The following VPS13A variants were observed in gnomAD, a reference collection of about 807,000 sequenced individuals.
VPS13A encodes vacuolar protein sorting 13 homolog A.
A neutral mutation model predicts 390.9 loss-of-function variants in VPS13A; 264 were observed. That is an observed-to-expected ratio of 0.68 (90% CI 0.61 to 0.75). VPS13A has a LOEUF of 0.75. Ranked by LOEUF, VPS13A falls within the 30% of genes least tolerant of loss-of-function variation. VPS13A has a pLI of 0.00. For synonymous variants in VPS13A, 1,231 were observed against 1,227.1 expected (o/e 1.00, Z -0.07); for missense variants, 3,409 against 3,733.9 (o/e 0.91, Z 2.27).
In VPS13A at chr9:77,400,986, A is replaced by G. The variant is rs1834364699; in HGVS notation, c.9190-2250A>G. Among the ~76,000 whole-genome samples, 3 of 152,156 alleles carry G rather than the reference A, an allele frequency of 2.0e-5. No individual in the cohort carries two copies. The South Asian group carries it at 6.2e-4, about 32-fold the overall frequency. On this transcript the variant is annotated intron_variant, in intron 68 of 71. Coordinates refer to ENST00000360280, the MANE Select transcript of VPS13A (RefSeq NM_033305.3). ...TACTTAAAACGCCATTTATTTGATA[A>G]TACATGTGTTTACCCACTAATTTGA...
At chr9:77,394,149 C>T (rs888950364) in intron 68 of VPS13A, among the ~76,000 whole-genome samples, 8 of 152,030 alleles carry the variant, frequency 5.3e-5, no homozygotes, top group African/African-American at 1.4e-4. Context: ...ATTGCAGCCT[C>T]GAACTCCCAG....
chr9:77,319,195 C>CAAAAAAA (rs5898533), intron 41 of VPS13A, among the ~76,000 whole-genome samples: 2 of 123,474 alleles, frequency 1.6e-5, no homozygotes, highest in Non-Finnish European at 3.4e-5. Context: ...GACCCAGACT[C>CAAAAAAA]AAAAAAAAAA....
At chr9:77,219,567 A>G (rs1823067893) in intron 10 of VPS13A, among the ~76,000 whole-genome samples, 1 of 152,194 alleles carries the variant, frequency 6.6e-6, no homozygotes, top group African/African-American at 2.4e-5. Context: ...TTCAGAAATT[A>G]TAATTATATA....
chr9:77,351,324 A>G lies in VPS13A; in HGVS notation c.7297A>G (p.Ser2433Gly). Residue 2433 changes from serine to glycine, a missense_variant, in exon 53 of 72, where the codon AGT (serine) becomes GGT (glycine). Ser to Gly is a moderately conservative substitution (Grantham distance 56, BLOSUM62 0). This residue lies in a region of VPS13A where 2,717 missense variants were observed against 2,917.4 expected (regional missense o/e 0.93). Coordinates refer to ENST00000360280, the MANE Select transcript of VPS13A (RefSeq NM_033305.3). ...ELVQYNQSSL[S>G]EIEDSLPPGK... The stretch of plus-strand genomic sequence containing the variant: ...TTTTTGCTACTGTGTCAGTTCTCTC[A>G]GTGAAATAGAAGATTCCCTCCCTCC... 1.9e-6 allele frequency: 3 copies of G among 1,613,448 alleles called. No individual in the cohort carries two copies. Among genetic ancestry groups the G allele is most frequent in the Non-Finnish European group, 2.5e-6 (3 of 1,179,616 alleles).
rs1031794036 is a variant in VPS13A, at chr9:77,295,374, G to T, written c.3508-168G>T. On this transcript the variant is annotated intron_variant, in intron 32 of 71. Coordinates refer to ENST00000360280, the MANE Select transcript of VPS13A (RefSeq NM_033305.3). ...TGTCTTTGTGTTTCTCAGTTTTTGTGGCAGAAAATTAAGATTTAATATAGA... is the reference window on the plus strand; with the variant it reads ...TGTCTTTGTGTTTCTCAGTTTTTGTTGCAGAAAATTAAGATTTAATATAGA... Among the ~76,000 whole-genome samples, 1 of 151,660 alleles carries T rather than the reference G, an allele frequency of 6.6e-6. No individual in the cohort carries two copies. Among genetic ancestry groups the T allele is most frequent in the Non-Finnish European group, 1.5e-5 (1 of 67,944 alleles).
At chr9:77,198,753 T>C (rs1825151123) in intron 1 of VPS13A, among the ~76,000 whole-genome samples, 2 of 152,024 alleles carry the variant, frequency 1.3e-5, no homozygotes, top group East Asian at 1.9e-4. Context: ...AACCTCCGCC[T>C]CCTGGGTTCA....
chr9:77,314,792 C>A, intron 37 of VPS13A, 128 bp downstream of exon 37: 1 of 854,234 alleles, frequency 1.2e-6, no homozygotes. Flanking sequence ...TCAATTCAGT[C>A]AGCTCGTAGT....
In VPS13A at chr9:77,213,632, C is replaced by T. The variant is rs1259580138; in HGVS notation, c.696+318C>T. On this transcript the variant is annotated intron_variant, in intron 9 of 71. Transcript: ENST00000360280. Reference sequence around the variant, plus strand: ...CTTCCTGCCTCAGCCTCTTGAGTAGCGAGGACTATAGGCACACGCCACCAT... The same window carrying T: ...CTTCCTGCCTCAGCCTCTTGAGTAGTGAGGACTATAGGCACACGCCACCAT... Among the ~76,000 whole-genome samples the T allele has an allele frequency of 2.0e-5, 3 of 151,750 alleles. No homozygotes were observed. The East Asian group carries it at 5.8e-4, about 29-fold the overall frequency.
intron 33 of VPS13A, among the ~76,000 whole-genome samples, chr9:77,296,703 T>A (rs1828022908): frequency 6.6e-6 from 1 of 152,232 alleles, no homozygotes; most frequent in Non-Finnish European, 1.5e-5. Context: ...AGTTTTGATA[T>A]GCATACATTT....
rs1835337912 is a variant in VPS13A at position 77,421,489 on chromosome 9, G to C, written c.*5483G>C. ...ATTTGGATTGCATGGTAAGATGACT[G>C]CCCATTTTCACCATGTATACCTTTG... On this transcript the variant is annotated 3_prime_UTR_variant, in exon 72 of 72. Transcript: ENST00000360280. 1 of 152,096 alleles carries C rather than the reference G, an allele frequency of 6.6e-6. No individual in the cohort carries two copies. Among genetic ancestry groups the C allele is most frequent in the African/African-American group, 2.4e-5 (1 of 41,436 alleles). The allele number at this position is 152,096 out of a possible 1,614,324, so 9.4% of individuals were successfully genotyped here.
rs907434944 is a variant in VPS13A at position 77,337,281 on chromosome 9, A to T, written c.6122A>T (p.Asp2041Val). The change falls in exon 47 of 72, where the codon GAT becomes GTT. Residue 2041 changes from aspartate to valine, a missense_variant. Asp to Val is a radical substitution (Grantham distance 152, BLOSUM62 -3). This residue lies in a region of VPS13A where 2,717 missense variants were observed against 2,917.4 expected (regional missense o/e 0.93). Coordinates refer to ENST00000360280, the MANE Select transcript of VPS13A (RefSeq NM_033305.3). ...YRSFIFLKPE[D>V]ENYQMCEGID... ...TCATTCATTTTTCTGAAGCCAGAAG[A>T]TGAGAACTATCAAATGTGTGAAGGA... 6.2e-7 allele frequency: 1 copy of T among 1,612,660 alleles called. No homozygotes were observed. Among genetic ancestry groups the T allele is most frequent in the African/African-American group, 1.3e-5 (1 of 74,916 alleles).
chr9:77,208,466 G>A (rs1212482787), intron 5 of VPS13A, among the ~76,000 whole-genome samples: 1 of 151,942 alleles, frequency 6.6e-6, no homozygotes, highest in East Asian at 1.9e-4. Flanking sequence ...CATTTTTAAG[G>A]GGAGAAAAAG....
chr9:77,252,008 ATG>A (rs1317575736), intron 21 of VPS13A, among the ~76,000 whole-genome samples: 1 of 152,140 alleles, frequency 6.6e-6, no homozygotes, highest in Non-Finnish European at 1.5e-5. Flanking sequence ...CTTTACTGCC[ATG>A]TTACTTTTTT....
intron 69 of VPS13A, among the ~76,000 whole-genome samples, chr9:77,405,650 T>C (rs189999202): frequency 2.6e-4 from 39 of 152,320 alleles, no homozygotes; most frequent in Admixed American, 2.0e-3. Context: ...GGAAATACTA[T>C]TGTTATCTTT....
At chr9:77,260,312 C>CA in intron 23 of VPS13A, 88 bp downstream of exon 23, 2 of 963,978 alleles carry the variant, frequency 2.1e-6, no homozygotes, top group Non-Finnish European at 3.1e-6. Flanking sequence ...TTATATAAGA[C>CA]AATTTGCAAT....
intron 63 of VPS13A, among the ~76,000 whole-genome samples, chr9:77,369,748 C>T (rs1380521403): frequency 6.6e-6 from 1 of 152,174 alleles, no homozygotes; most frequent in African/African-American, 2.4e-5. Flanking sequence ...CCTGGCCAAG[C>T]AATCTTAAAA....
intron 42 of VPS13A, 46 bp from the exon 43 acceptor site, chr9:77,321,123 G>C (rs568312253): frequency 1.3e-6 from 2 of 1,538,684 alleles, no homozygotes; most frequent in South Asian, 2.3e-5. Flanking sequence ...TAGTTATGTT[G>C]TGTTCTTAGA....
In VPS13A at chr9:77,360,564, G is replaced by T; in HGVS notation, c.8134G>T (p.Asp2712Tyr). The change falls in exon 59 of 72, where the codon GAT becomes TAT. Residue 2712 changes from aspartate to tyrosine, a missense_variant. Asp to Tyr is a radical substitution (Grantham distance 160). Around this residue, in one of 5 missense-constraint regions of VPS13A, gnomAD observed 221 missense variants for 300.7 expected, o/e 0.73. Coordinates refer to ENST00000360280, the MANE Select transcript of VPS13A (RefSeq NM_033305.3). Reference sequence around the variant, plus strand: ...TTTCAAAGTATTGATTCAAGAAATGGATCTCAGGTTAGATCTTGGGTTTAT... The same window carrying T: ...TTTCAAAGTATTGATTCAAGAAATGTATCTCAGGTTAGATCTTGGGTTTAT... The part of the protein sequence containing the change: ...KYFKVLIQEM[D>Y]LRLDLGFIYA... 1 of 1,612,814 alleles carries T rather than the reference G, an allele frequency of 6.2e-7. No individual in the cohort carries two copies. The highest frequency in any genetic ancestry group is 8.5e-7 in the Non-Finnish European group (1 of 1,179,280).
chr9:77,362,054 C>T (rs1428012584), intron 59 of VPS13A, among the ~76,000 whole-genome samples: 1 of 152,042 alleles, frequency 6.6e-6, no homozygotes, highest in African/African-American at 2.4e-5. Context: ...TGCATATTCT[C>T]GATACAGGTC....
Sources: gnomAD v4.1 joint callset for allele counts (sites outside exome capture counted in the v4.1 genomes callset) on GRCh38, gnomAD v4.1.1 for gene constraint, gnomAD v4.1.1 regional missense constraint, MANE v1.5 for transcripts, NCBI Gene and HGNC (gene_info 2026-07-23, HGNC 2026-07-21) for gene names.